The following PTPRN2 variants were observed in gnomAD, a reference collection of about 807,000 sequenced individuals.
PTPRN2 encodes the protein receptor-type tyrosine-protein phosphatase N2.
Under a neutral mutation model 118.8 loss-of-function variants are expected in PTPRN2, and 74 were observed. The ratio of observed to expected loss-of-function variants is 0.62; its 90% CI spans 0.52 to 0.76. The LOEUF is 0.76. PTPRN2 is among the 30% of genes least tolerant of loss of function. PTPRN2 has a pLI of 0.00. For synonymous variants in PTPRN2, 641 were observed against 608.0 expected, an observed-to-expected ratio of 1.05 and a Z score of -0.80; for missense variants, 1,481 against 1,394.4, an observed-to-expected ratio of 1.06 and a Z score of -0.99.
intron 5 of PTPRN2, among the ~76,000 whole-genome samples, chr7:158,186,287 CTG>C (rs944617529): frequency 6.6e-6 from 1 of 152,130 alleles, no homozygotes; most frequent in African/African-American, 2.4e-5. Context: ...TCCTCTTTTC[CTG>C]TGTCCTCAGC....
intron 15 of PTPRN2, among the ~76,000 whole-genome samples, chr7:157,613,831 C>T (rs906539415): frequency 6.6e-6 from 1 of 152,186 alleles, no homozygotes; most frequent in African/African-American, 2.4e-5. Context: ...CACCCCGGGC[C>T]GCCGTCCTGC....
Position 157,711,771 on chromosome 7 carries a change from T to C in PTPRN2, c.1789-28834A>G, listed in dbSNP as rs1016978353. Among the ~76,000 whole-genome samples, 5 of 152,210 alleles carry C rather than the reference T, an allele frequency of 3.3e-5. No homozygotes were observed. In the South Asian group the frequency reaches 8.3e-4, roughly 25 times the overall value. Reference sequence around the variant, plus strand: ...TGCCGGGTTAACCTCAGGGGGCATATGTGTCTCTCCCATGGCCGTCATTTT... The same window carrying C: ...TGCCGGGTTAACCTCAGGGGGCATACGTGTCTCTCCCATGGCCGTCATTTT... On this transcript the variant is annotated intron_variant, in intron 12 of 22. Coordinates refer to ENST00000389418, the MANE Select transcript of PTPRN2 (RefSeq NM_002847.5).
chr7:157,587,633 G>A lies in PTPRN2; in HGVS notation c.2496+7605C>T, dbSNP rs558199083. On this transcript the variant is annotated intron_variant, in intron 17 of 22. Coordinates refer to ENST00000389418, the MANE Select transcript of PTPRN2 (RefSeq NM_002847.5). The surrounding 1 kb of genome is among the most constrained non-coding windows in gnomAD (Gnocchi z 5.3). ...CTTTTTCTTGGTAAAATGTTGATGT[G>A]CAATAAGAGTCAACACACATCCGAT... 1.3e-5 allele frequency among the ~76,000 whole-genome samples: 2 copies of A among 152,362 alleles called. No individual in the cohort carries two copies. The highest frequency in any genetic ancestry group is 4.1e-4 in the South Asian group (2 of 4,832).
chr7:157,668,010 G>A (rs552487275), intron 13 of PTPRN2, among the ~76,000 whole-genome samples: 5 of 152,296 alleles, frequency 3.3e-5, no homozygotes, highest in East Asian at 3.9e-4. Flanking sequence ...AAAGCTTCCC[G>A]TGCTCTGAGC....
chr7:158,024,640 A>G (rs1041027135), intron 11 of PTPRN2, among the ~76,000 whole-genome samples: 1 of 152,174 alleles, frequency 6.6e-6, no homozygotes, highest in African/African-American at 2.4e-5. Context: ...TCCTGACCCC[A>G]TGGGGCTGAT....
intron 12 of PTPRN2, among the ~76,000 whole-genome samples, chr7:157,816,982 C>A (rs757592300): frequency 2.6e-5 from 4 of 152,254 alleles, no homozygotes; most frequent in Non-Finnish European, 5.9e-5. Flanking sequence ...GGCTGCCGAC[C>A]ACATGCCTCT....
At chr7:158,295,681 GCAC>G (rs1467809168) in intron 3 of PTPRN2, among the ~76,000 whole-genome samples, 1 of 150,034 alleles carries the variant, frequency 6.7e-6, no homozygotes, top group Non-Finnish European at 1.5e-5. Flanking sequence ...CCCAGACACT[GCAC>G]CACATCGTGG....
rs1014121836 is a variant in PTPRN2 at position 157,874,560 on chromosome 7, C to A, written c.1788+24113G>T. ...TGAAGCTTCGGGGTCACCTGCACGG[C>A]CTCTCGTGAGTAGGGGGATTTCCTA... is the stretch of plus-strand genomic sequence containing the variant. On this transcript the variant is annotated intron_variant, in intron 12 of 22. Transcript: ENST00000389418. The surrounding 1 kb of genome is among the most constrained non-coding windows in gnomAD (Gnocchi z 5.8). 3.3e-5 allele frequency among the ~76,000 whole-genome samples: 5 copies of A among 152,252 alleles called. No individual in the cohort carries two copies. Among genetic ancestry groups the A allele is most frequent in the African/African-American group, 1.2e-4 (5 of 41,470 alleles).
chr7:158,159,993 A>G (rs2150568203), intron 6 of PTPRN2, among the ~76,000 whole-genome samples: 1 of 152,292 alleles, frequency 6.6e-6, no homozygotes, highest in African/African-American at 2.4e-5. Flanking sequence ...CCAAAAGTCT[A>G]GTGTTGCTAA....
At chr7:158,292,105 C>A (rs62479651) in intron 3 of PTPRN2, among the ~76,000 whole-genome samples, 4,858 of 152,308 alleles carry the variant, frequency 0.032, 97 homozygotes, top group Middle Eastern at 0.062. Flanking sequence ...ATGGATCCCT[C>A]CTCTCCCCAC....
chr7:158,370,137 G>A (rs1809852593), intron 2 of PTPRN2, among the ~76,000 whole-genome samples: 1 of 152,200 alleles, frequency 6.6e-6, no homozygotes, highest in African/African-American at 2.4e-5. Flanking sequence ...AAGGACAACT[G>A]CCTTTTAAAG....
intron 12 of PTPRN2, among the ~76,000 whole-genome samples, chr7:157,734,827 G>GCAGC (rs1800206592): frequency 6.6e-6 from 1 of 152,222 alleles, no homozygotes; most frequent in Admixed American, 6.5e-5. Flanking sequence ...GACCAGCAGG[G>GCAGC]CAGCCAGCCA....
Position 157,845,285 on chromosome 7 carries a change from C to T in PTPRN2, c.1788+53388G>A, listed in dbSNP as rs1306600196. On this transcript the variant is annotated intron_variant, in intron 12 of 22. Coordinates refer to ENST00000389418, the MANE Select transcript of PTPRN2 (RefSeq NM_002847.5). This position sits in a 1 kb window ranked among gnomAD's most constrained non-coding sequence, Gnocchi z 4.5. ...GGCAGATACTCGATGGCCTTTCTGT[C>T]CTCCCTGCACCACCCAGAGGACATA... 6.6e-6 allele frequency among the ~76,000 whole-genome samples: 1 copy of T among 152,078 alleles called. No homozygotes were observed. The highest frequency in any genetic ancestry group is 1.5e-5 in the Non-Finnish European group (1 of 67,970).
At chr7:158,389,704 G>A (rs79784578) in intron 2 of PTPRN2, among the ~76,000 whole-genome samples, 171 of 152,344 alleles carry the variant, frequency 1.1e-3, no homozygotes, top group African/African-American at 3.9e-3. Context: ...GCGAGAACAC[G>A]GATGACAACA....
intron 19 of PTPRN2, among the ~76,000 whole-genome samples, chr7:157,575,084 G>A (rs1207584358): frequency 6.6e-6 from 1 of 152,174 alleles, no homozygotes; most frequent in Non-Finnish European, 1.5e-5. Context: ...AACACTGAGG[G>A]TCGGTGATGT....
In PTPRN2 at chr7:157,737,610, G is replaced by A. The variant is rs542175978; in HGVS notation, c.1789-54673C>T. 5.9e-5 allele frequency among the ~76,000 whole-genome samples: 9 copies of A among 152,368 alleles called. No individual in the cohort carries two copies. The East Asian group carries it at 7.7e-4, about 13-fold the overall frequency. The stretch of plus-strand genomic sequence containing the variant: ...TCTCTGGGCCCAGGCGCTCCCATTC[G>A]TACTCACGGTCCTGAGTTGAGCTCC... On this transcript the variant is annotated intron_variant, in intron 12 of 22. Transcript: ENST00000389418.
intron 4 of PTPRN2, among the ~76,000 whole-genome samples, chr7:158,199,669 G>A (rs144471617): frequency 5.8e-4 from 59 of 102,596 alleles, no homozygotes; most frequent in Middle Eastern, 4.7e-3. Context: ...ACATGGAGTG[G>A]AGAAAGCCAG....
intron 11 of PTPRN2, among the ~76,000 whole-genome samples, chr7:157,998,659 C>G (rs943705923): frequency 6.6e-6 from 1 of 152,078 alleles, no homozygotes; most frequent in Non-Finnish European, 1.5e-5. Context: ...CCCATCTCTA[C>G]TAAAAATACA....
intron 12 of PTPRN2, among the ~76,000 whole-genome samples, chr7:157,761,518 G>A (rs202100823): frequency 6.6e-6 from 1 of 151,028 alleles, no homozygotes; most frequent in Non-Finnish European, 1.5e-5. Context: ...CCTATTTAAT[G>A]AATGGTGCTG....
Sources: gnomAD v4.1 joint callset for allele counts (sites outside exome capture counted in the v4.1 genomes callset) on GRCh38, gnomAD v4.1.1 for gene constraint, Gnocchi (gnomAD v3.1) non-coding constraint, MANE v1.5 for transcripts, NCBI Gene and HGNC (gene_info 2026-07-23, HGNC 2026-07-21) for gene names.